OXNAD1: variants seen among roughly 807,000 people sequenced by gnomAD.
OXNAD1 encodes oxidoreductase NAD-binding domain-containing protein 1.
Under a neutral mutation model 32.9 loss-of-function variants are expected in OXNAD1, and 34 were observed. The observed-to-expected ratio is 1.03, with a 90% CI of 0.79 to 1.38. The LOEUF is 1.38. Ranked by LOEUF, OXNAD1 falls within the 40% of genes most tolerant of loss-of-function variation. The pLI is 0.00. For missense variants in OXNAD1, 407 were observed against 379.4 expected, an observed-to-expected ratio of 1.07 and a Z score of -0.60; for synonymous variants, 134 against 135.2, an observed-to-expected ratio of 0.99 and a Z score of 0.06.
At chr3:16,340,659 T>C (rs763464976), downstream of OXNAD1, among the ~76,000 whole-genome samples, 27 of 152,260 alleles carry the variant, frequency 1.8e-4, no homozygotes, top group Non-Finnish European at 1.3e-4. Flanking sequence ...CTTTCAAAGT[T>C]ACCTTGTCTT....
At chr3:16,275,212 A>G (rs1444726589) in intron 4 of OXNAD1, 1 of 161,652 alleles carries the variant, frequency 6.2e-6, no homozygotes, top group Non-Finnish European at 1.4e-5. Flanking sequence ...GAGTTATCTT[A>G]GAATGTAGCT....
rs1174335585 is a variant in OXNAD1, at chr3:16,334,846, G to A, written c.*31-2266G>A. The stretch of plus-strand genomic sequence containing the variant: ...TGGAGAGTTTATCCAGGATTATCCA[G>A]GTGTGCCCAGTATAATCACAGGGGT... On this transcript the variant is annotated intron_variant, in intron 9 of 9. Coordinates refer to the OXNAD1 transcript ENST00000435829. The surrounding 1 kb of genome is among the most constrained non-coding windows in gnomAD (Gnocchi z 4.3). Among the ~76,000 whole-genome samples, 2 of 152,204 alleles carry A rather than the reference G, an allele frequency of 1.3e-5. No individual in the cohort carries two copies. Among genetic ancestry groups the A allele is most frequent in the African/African-American group, 4.8e-5 (2 of 41,436 alleles).
At chr3:16,309,086 A>G (rs945749219), downstream of OXNAD1, among the ~76,000 whole-genome samples, 3 of 152,210 alleles carry the variant, frequency 2.0e-5, no homozygotes, top group Non-Finnish European at 4.4e-5. Context: ...ATTTTATGGT[A>G]TATTAATCTT....
rs1363765895 is a variant in OXNAD1 at position 16,298,311 on chromosome 3, C to G, written c.432+3314C>G. Among the ~76,000 whole-genome samples the G allele has an allele frequency of 6.6e-6, 1 of 152,134 alleles. No individual in the cohort carries two copies. The highest frequency in any genetic ancestry group is 1.5e-5 in the Non-Finnish European group (1 of 68,034). On this transcript the variant is annotated intron_variant, in intron 6 of 8. Coordinates refer to ENST00000285083, the MANE Select transcript of OXNAD1 (RefSeq NM_138381.5). This position sits in a 1 kb window ranked among gnomAD's most constrained non-coding sequence, Gnocchi z 5.1. Reference sequence around the variant, plus strand: ...TGAAATAAGCATAGCCATCCCAGTTCCTAGTGCCATGAACATCTCCCCATC... The same window carrying G: ...TGAAATAAGCATAGCCATCCCAGTTGCTAGTGCCATGAACATCTCCCCATC...
Position 16,327,816 on chromosome 3 carries a change from G to T in OXNAD1, c.*31-9296G>T, listed in dbSNP as rs689823. 0.36 allele frequency among the ~76,000 whole-genome samples: 54,213 copies of T among 151,316 alleles called. 9,951 individuals are homozygous for T. The highest frequency in any genetic ancestry group is 0.39 in the Non-Finnish European group (26,688 of 67,762). ...AGCCCCCTGCTAGCACAGGGAGAGAGCCCTGATGTGAGGCCCCTGCACTGG... is the reference window on the plus strand; with the variant it reads ...AGCCCCCTGCTAGCACAGGGAGAGATCCCTGATGTGAGGCCCCTGCACTGG... On this transcript the variant is annotated intron_variant, in intron 9 of 9. Coordinates refer to the OXNAD1 transcript ENST00000435829. The surrounding 1 kb of genome is among the most constrained non-coding windows in gnomAD (Gnocchi z 4.2).
Position 16,295,013 on chromosome 3 carries a change from G to A in OXNAD1, c.432+16G>A, listed in dbSNP as rs773265131. On this transcript the variant is annotated intron_variant, in intron 6 of 8. Coordinates refer to ENST00000285083, the MANE Select transcript of OXNAD1 (RefSeq NM_138381.5). ...TCACAATACGGTAAGCACACTGCCTGTTTAAACGCGATGATCTGGGTATCT... is the reference window on the plus strand; with the variant it reads ...TCACAATACGGTAAGCACACTGCCTATTTAAACGCGATGATCTGGGTATCT... 2 of 1,589,596 alleles carry A rather than the reference G, an allele frequency of 1.3e-6. No individual in the cohort carries two copies. Among genetic ancestry groups the A allele is most frequent in the East Asian group, 4.6e-5 (2 of 43,900 alleles).
chr3:16,281,193 G>T (rs1290557670), intron 4 of OXNAD1, among the ~76,000 whole-genome samples: 1 of 152,162 alleles, frequency 6.6e-6, no homozygotes, highest in East Asian at 1.9e-4. Context: ...ATAGTATACA[G>T]CATTTGTGTT....
In OXNAD1 at chr3:16,329,862, A is replaced by G. The variant is rs575838486; in HGVS notation, c.*31-7250A>G. Among the ~76,000 whole-genome samples, 1 of 152,216 alleles carries G rather than the reference A, an allele frequency of 6.6e-6. No homozygotes were observed. Among genetic ancestry groups the G allele is most frequent in the African/African-American group, 2.4e-5 (1 of 41,530 alleles). On this transcript the variant is annotated intron_variant, in intron 9 of 9. Coordinates refer to the OXNAD1 transcript ENST00000435829. This position sits in a 1 kb window ranked among gnomAD's most constrained non-coding sequence, Gnocchi z 4.5. ...CACAAAGCCCTGAGTGGCAGAATGG[A>G]GTCCTTTTATTGGTGGCTGCATCTC... is the stretch of plus-strand genomic sequence containing the variant.
intron 9 of OXNAD1, among the ~76,000 whole-genome samples, chr3:16,347,088 C>G (rs189803618): frequency 6.6e-6 from 1 of 152,290 alleles, no homozygotes; most frequent in Non-Finnish European, 1.5e-5. Flanking sequence ...GTTGGCCTTT[C>G]CCCCATTCTG....
At chr3:16,326,265 G>C (rs1308980636) in intron 9 of OXNAD1, among the ~76,000 whole-genome samples, 1 of 152,256 alleles carries the variant, frequency 6.6e-6, no homozygotes, top group African/African-American at 2.4e-5. Context: ...TGAAAGGCAG[G>C]CCTTTACAGC....
In OXNAD1 at chr3:16,316,743, C is replaced by T. The variant is rs2068431802; in HGVS notation, c.*30+13151C>T. ...CCAAAGGGTAGGTAACACACAACAC[C>T]AGGGAAACCAGCCCCCAAACCAGCT... On this transcript the variant is annotated intron_variant, in intron 9 of 9. Transcript: ENST00000435829. This position sits in a 1 kb window ranked among gnomAD's most constrained non-coding sequence, Gnocchi z 4.5. 3.2e-6 allele frequency: 5 copies of T among 1,540,754 alleles called. No homozygotes were observed. Among genetic ancestry groups the T allele is most frequent in the African/African-American group, 1.4e-5 (1 of 73,232 alleles).
downstream of OXNAD1, among the ~76,000 whole-genome samples, chr3:16,306,354 C>G (rs1008410805): frequency 6.6e-6 from 1 of 152,132 alleles, no homozygotes; most frequent in Non-Finnish European, 1.5e-5. Flanking sequence ...CAAGCAAAGC[C>G]TAGCAATTGT....
rs2069047802 is a variant in OXNAD1, at chr3:16,321,482, C to T, written c.*31-15630C>T. Among the ~76,000 whole-genome samples the T allele has an allele frequency of 6.6e-6, 1 of 152,134 alleles. No homozygotes were observed. Among genetic ancestry groups the T allele is most frequent in the Non-Finnish European group, 1.5e-5 (1 of 68,006 alleles). On this transcript the variant is annotated intron_variant, in intron 9 of 9. Coordinates refer to the OXNAD1 transcript ENST00000435829. This position sits in a 1 kb window ranked among gnomAD's most constrained non-coding sequence, Gnocchi z 4.8. Reference sequence around the variant, plus strand: ...GACTAGATGGAGTGACTCTCGGTCACCAGGGGACACAGGCCTGTGGGAGTA... The same window carrying T: ...GACTAGATGGAGTGACTCTCGGTCATCAGGGGACACAGGCCTGTGGGAGTA...
chr3:16,334,151 C>G lies in OXNAD1; in HGVS notation c.*31-2961C>G, dbSNP rs2070621895. Among the ~76,000 whole-genome samples the G allele has an allele frequency of 1.3e-5, 2 of 152,212 alleles. No homozygotes were observed. The highest frequency in any genetic ancestry group is 4.1e-4 in the South Asian group (2 of 4,826). On this transcript the variant is annotated intron_variant, in intron 9 of 9. Coordinates refer to the OXNAD1 transcript ENST00000435829. The surrounding 1 kb of genome is among the most constrained non-coding windows in gnomAD (Gnocchi z 4.3). Reference sequence around the variant, plus strand: ...CTGCACTCCAGCCTGGGCGACAGAGCAAGACTCTGTCTCAAAACAAAAACA... The same window carrying G: ...CTGCACTCCAGCCTGGGCGACAGAGGAAGACTCTGTCTCAAAACAAAAACA...
downstream of OXNAD1, among the ~76,000 whole-genome samples, chr3:16,306,475 C>G (rs1448399277): frequency 6.6e-6 from 1 of 152,206 alleles, no homozygotes; most frequent in Admixed American, 6.5e-5. Context: ...TCCTTAATAT[C>G]CTCTAAGACC....
Position 16,265,435 on chromosome 3 carries a change from CCGTAGAATTTCG to C in OXNAD1, c.-227_-216del. ...CTTCCTGGTGACGGACGAACAGTTC[CCGTAGAATTTCG>C]CTTCACCGAGTGACCTTGAGCCCAG... On this transcript the variant is annotated 5_prime_UTR_variant, in exon 1 of 9. Coordinates refer to ENST00000285083, the MANE Select transcript of OXNAD1 (RefSeq NM_138381.5). The surrounding 1 kb of genome is among the most constrained non-coding windows in gnomAD (Gnocchi z 4.8). 6.5e-6 allele frequency: 1 copy of C among 153,820 alleles called. No homozygotes were observed. Among genetic ancestry groups the C allele is most frequent in the Non-Finnish European group, 1.5e-5 (1 of 68,750 alleles). 9.5% of individuals were successfully genotyped at this position (153,820 alleles called of 1,614,324 possible).
chr3:16,345,829 TGCGCGCAC>T lies in OXNAD1; in HGVS notation c.*31-3342_*31-3335del, dbSNP rs1433313290. ...GTGTGTGTGTGTGTGCGCGCGCGCG[TGCGCGCAC>T]GCGCACATGTGCATGTGTATGTGTA... is the stretch of plus-strand genomic sequence containing the variant. On this transcript the variant is annotated intron_variant, in intron 9 of 9. Transcript: ENST00000606098. This position sits in a 1 kb window ranked among gnomAD's most constrained non-coding sequence, Gnocchi z 5.2. Among the ~76,000 whole-genome samples, 1 of 69,826 alleles carries T rather than the reference TGCGCGCAC, an allele frequency of 1.4e-5. No homozygotes were observed. Among genetic ancestry groups the T allele is most frequent in the African/African-American group, 5.3e-5 (1 of 18,858 alleles). The allele number at this position is 69,826 out of a possible 152,430, so 45.8% of individuals were successfully genotyped here. A position where few individuals can be genotyped will look rare whatever the true frequency, so the allele number is the denominator to read the frequency against.
chr3:16,293,156 C>G (rs2066541363), intron 5 of OXNAD1, among the ~76,000 whole-genome samples: 1 of 152,222 alleles, frequency 6.6e-6, no homozygotes. Context: ...ATGCCATGAA[C>G]ATGGAATATG....
intron 9 of OXNAD1, among the ~76,000 whole-genome samples, chr3:16,328,872 C>T (rs1243677082): frequency 1.3e-5 from 2 of 152,230 alleles, no homozygotes; most frequent in Non-Finnish European, 2.9e-5. Context: ...TCAAATCTAA[C>T]TTTTTCCCAT....
Sources: allele counts gnomAD v4.1 joint callset (sites outside exome capture counted in the v4.1 genomes callset), GRCh38; gene constraint gnomAD v4.1.1; non-coding constraint Gnocchi (gnomAD v3.1); transcripts MANE v1.5; gene names NCBI Gene and HGNC (gene_info 2026-07-23, HGNC 2026-07-21).